The following PPA2 variants were observed in gnomAD, a reference collection of about 807,000 sequenced individuals.
The protein encoded by PPA2 is inorganic pyrophosphatase 2, also known as inorganic pyrophosphatase 2, mitochondrial.
PPA2 carries 48 observed loss-of-function variants against 49.5 expected under a neutral mutation model. The ratio of observed to expected loss-of-function variants is 0.97; its 90% CI spans 0.77 to 1.23. The LOEUF is 1.23. Among genes scored for constraint, PPA2 ranks in the 50% most tolerant of loss-of-function variants. The probability of loss-of-function intolerance (pLI) is 0.00; values close to 1 mark genes in which losing one functional copy is unlikely to be tolerated. For missense variants in PPA2, 429 were observed against 410.1 expected (o/e 1.05, Z -0.40); for synonymous variants, 131 against 139.9 (o/e 0.94, Z 0.45).
At position 105,472,881 on chromosome 4, in the gene PPA2, T is replaced by TATA. The variant is rs997751041; in HGVS notation, c.157+1010_157+1012dup. On this transcript the variant is annotated intron_variant, in intron 1 of 11. Transcript: ENST00000341695. ...AGGCCCTGTGACTAATCAGTTTACA[T>TATA]ATATAATGTCATGTAATACTTGCAG... Among the ~76,000 whole-genome samples, 112 of 152,316 alleles carry TATA rather than the reference T, an allele frequency of 7.4e-4. 3 individuals carry two copies. Among genetic ancestry groups the TATA allele is most frequent in the African/African-American group, 2.7e-3 (112 of 41,552 alleles).
intron 7 of PPA2, among the ~76,000 whole-genome samples, chr4:105,400,772 A>G (rs961902229): frequency 6.6e-6 from 1 of 152,206 alleles, no homozygotes; most frequent in Non-Finnish European, 1.5e-5. Context: ...TCCAAGGAGA[A>G]AGAGAAAGCT....
chr4:105,419,336 T>A (rs1299698129), intron 7 of PPA2, among the ~76,000 whole-genome samples: 1 of 152,012 alleles, frequency 6.6e-6, no homozygotes, highest in Non-Finnish European at 1.5e-5. Flanking sequence ...GGCCCCGGTG[T>A]GTGATGTTCC....
At chr4:105,401,073 A>C (rs531210563) in intron 7 of PPA2, among the ~76,000 whole-genome samples, 3 of 152,288 alleles carry the variant, frequency 2.0e-5, no homozygotes, top group Admixed American at 2.0e-4. Flanking sequence ...TCCAATGCCA[A>C]CAGTCAGTTC....
intron 7 of PPA2, among the ~76,000 whole-genome samples, chr4:105,404,410 G>A (rs183790260): frequency 5.7e-4 from 86 of 151,850 alleles, no homozygotes; most frequent in African/African-American, 1.4e-3. Flanking sequence ...AATAACTTTC[G>A]GGTCCAAAAG....
At chr4:105,375,699 CA>C (rs549769033) in intron 10 of PPA2, among the ~76,000 whole-genome samples, 34 of 152,062 alleles carry the variant, frequency 2.2e-4, no homozygotes, top group Non-Finnish European at 4.9e-4. Flanking sequence ...TTTCAATAAC[CA>C]GATGCCAGGG....
At chr4:105,449,960 G>A (rs565639397) in intron 3 of PPA2, among the ~76,000 whole-genome samples, 1 of 152,176 alleles carries the variant, frequency 6.6e-6, no homozygotes, top group South Asian at 2.1e-4. Context: ...TTCACAAAGA[G>A]CTACACTAAA....
intron 1 of PPA2, among the ~76,000 whole-genome samples, chr4:105,460,076 C>T (rs981357580): frequency 6.6e-6 from 1 of 152,138 alleles, no homozygotes. Flanking sequence ...AAATATGGAG[C>T]TGAAAGACAA....
intron 10 of PPA2, among the ~76,000 whole-genome samples, chr4:105,378,168 A>G (rs1733334154): frequency 1.3e-5 from 2 of 152,308 alleles, no homozygotes; most frequent in South Asian, 2.1e-4. Context: ...AACCAGCAGT[A>G]AATGAGAATT....
At chr4:105,473,171 C>T (rs1015810328) in intron 1 of PPA2, among the ~76,000 whole-genome samples, 1 of 152,190 alleles carries the variant, frequency 6.6e-6, no homozygotes, top group Non-Finnish European at 1.5e-5. Context: ...GTACACGGAA[C>T]AATGAGTCAC....
At chr4:105,462,267 A>C (rs539636586) in intron 1 of PPA2, among the ~76,000 whole-genome samples, 20 of 152,148 alleles carry the variant, frequency 1.3e-4, no homozygotes, top group Non-Finnish European at 2.2e-4. Context: ...TCAGAACCAC[A>C]GAATATATTA....
chr4:105,435,308 T>A (rs2713859), intron 6 of PPA2, among the ~76,000 whole-genome samples: 56,922 of 152,032 alleles, frequency 0.37, 12,607 homozygotes, highest in East Asian at 0.68. Context: ...ATTAAAGGAA[T>A]AAACTTCTCT....
At chr4:105,422,742 C>A (rs900995370) in intron 7 of PPA2, among the ~76,000 whole-genome samples, 3 of 152,208 alleles carry the variant, frequency 2.0e-5, no homozygotes, top group Non-Finnish European at 2.9e-5. Context: ...AAGTTAAGAA[C>A]AATATCTACT....
intron 10 of PPA2, among the ~76,000 whole-genome samples, chr4:105,371,367 G>C (rs1010410905): frequency 2.6e-5 from 4 of 152,116 alleles, no homozygotes; most frequent in Non-Finnish European, 4.4e-5. Flanking sequence ...ACATTTTTAT[G>C]CAATAGTTTT....
At chr4:105,390,164 C>T (rs895667723) in intron 9 of PPA2, among the ~76,000 whole-genome samples, 3 of 152,176 alleles carry the variant, frequency 2.0e-5, no homozygotes, top group Admixed American at 6.5e-5. Context: ...AACTAGCTCA[C>T]GATGGATTAA....
chr4:105,422,931 A>T (rs1322240993), intron 7 of PPA2, among the ~76,000 whole-genome samples: 2 of 152,174 alleles, frequency 1.3e-5, no homozygotes, highest in African/African-American at 4.8e-5. Context: ...GCAGATCACA[A>T]ATGAATTAGG....
At chr4:105,450,905 C>A (rs1053658958) in intron 3 of PPA2, among the ~76,000 whole-genome samples, 3 of 152,174 alleles carry the variant, frequency 2.0e-5, no homozygotes, top group African/African-American at 7.2e-5. Context: ...CCGCGCCCTG[C>A]CAACACTTTT....
chr4:105,467,454 T>C (rs1723351271), intron 1 of PPA2, among the ~76,000 whole-genome samples: 1 of 152,236 alleles, frequency 6.6e-6, no homozygotes, highest in African/African-American at 2.4e-5. Flanking sequence ...AGCCCAGTAT[T>C]AGATCCAGTA....
At chr4:105,427,756 C>G (rs1723592850) in intron 6 of PPA2, among the ~76,000 whole-genome samples, 1 of 152,182 alleles carries the variant, frequency 6.6e-6, no homozygotes, top group Non-Finnish European at 1.5e-5. Context: ...GAGAATGGAA[C>G]CAAGTGAGAA....
At chr4:105,417,649 C>T (rs1268793204) in intron 7 of PPA2, among the ~76,000 whole-genome samples, 1 of 151,918 alleles carries the variant, frequency 6.6e-6, no homozygotes, top group Non-Finnish European at 1.5e-5. Flanking sequence ...TTTTTTAACT[C>T]GATTTGTCCT....
Sources: gnomAD v4.1 joint callset for allele counts (sites outside exome capture counted in the v4.1 genomes callset) on GRCh38, gnomAD v4.1.1 for gene constraint, MANE v1.5 for transcripts, NCBI Gene and HGNC (gene_info 2026-07-23, HGNC 2026-07-21) for gene names.